UBL4B: variants seen among roughly 807,000 people sequenced by gnomAD.
The protein encoded by UBL4B is ubiquitin-like protein 4B.
For missense variants in UBL4B, 194 were observed against 209.9 expected (o/e 0.92, Z 0.47); for synonymous variants, 94 against 92.8 (o/e 1.01, Z -0.08).
rs745663044 is a variant in UBL4B, at chr1:110,112,931, C to T, written c.397C>T (p.Leu133=). The T allele has an allele frequency of 1.9e-6, 3 of 1,609,818 alleles. No individual in the cohort carries two copies. The highest frequency in any genetic ancestry group is 1.3e-5 in the African/African-American group (1 of 74,876). Residue 133 remains leucine, a synonymous_variant, in exon 1 of 1, where the codon CTG becomes TTG. Transcript: ENST00000334179. The part of the protein sequence containing the change: ...QKISLEHLEQ[L]AQYLLAEEPH... ...GATAAGCCTGGAGCACCTGGAGCAG[C>T]TGGCCCAGTACCTCCTGGCAGAGGA...
chr1:110,113,215 C>A lies in UBL4B; in HGVS notation c.*156C>A. 5 of 1,092,852 alleles carry A rather than the reference C, an allele frequency of 4.6e-6. No individual in the cohort carries two copies. Among genetic ancestry groups the A allele is most frequent in the Non-Finnish European group, 6.4e-6 (5 of 778,152 alleles). 67.7% of individuals were successfully genotyped at this position (1,092,852 alleles called of 1,614,324 possible). ...TGGAGGGTTTTTGGATCCCTGTCCC[C>A]TCTTGGGCCTGAGGTCCTCCCTCTG... On this transcript the variant is annotated 3_prime_UTR_variant, in exon 1 of 1. Coordinates refer to ENST00000334179, the MANE Select transcript of UBL4B (RefSeq NM_203412.2).
In UBL4B at chr1:110,113,886, C is replaced by G. The variant is rs923239243; in HGVS notation, c.*827C>G. On this transcript the variant is annotated 3_prime_UTR_variant, in exon 1 of 1. Coordinates refer to ENST00000334179, the MANE Select transcript of UBL4B (RefSeq NM_203412.2). ...TGAGGATCCTTGCCCTCACAGAGCACGCAGCCTAGATGCAGAGAGCTGCTA... is the reference window on the plus strand; with the variant it reads ...TGAGGATCCTTGCCCTCACAGAGCAGGCAGCCTAGATGCAGAGAGCTGCTA... 2.4e-5 allele frequency: 4 copies of G among 167,096 alleles called. No homozygotes were observed. Among genetic ancestry groups the G allele is most frequent in the African/African-American group, 9.6e-5 (4 of 41,568 alleles). 10.4% of individuals were successfully genotyped at this position (167,096 alleles called of 1,614,324 possible).
rs1557816388 is a variant in UBL4B, at chr1:110,112,868, CAGCTGCTA to C, written c.337_344del (p.Leu113AlafsTer38). The C allele has an allele frequency of 6.2e-7, 1 of 1,613,564 alleles. No homozygotes were observed. Among genetic ancestry groups the C allele is most frequent in the Admixed American group, 1.7e-5 (1 of 60,024 alleles). ...ACCACAGGATGCCAAGGCCGTGCTG[CAGCTGCTA>C]AGGCAGGAGCACGAGGAGCGCCTGC... On this transcript the variant is annotated frameshift_variant, in exon 1 of 1. Transcript: ENST00000334179. LOFTEE classifies it low-confidence loss of function (END_TRUNC).
In UBL4B at chr1:110,113,399, T is replaced by G; in HGVS notation, c.*340T>G. On this transcript the variant is annotated 3_prime_UTR_variant, in exon 1 of 1. Coordinates refer to ENST00000334179, the MANE Select transcript of UBL4B (RefSeq NM_203412.2). ...CTGAAAGCAGCCCTGGCCCAGGGTC[T>G]CCATGGTTCTAGGCAGACCCTCTTT... 3.3e-6 allele frequency: 1 copy of G among 303,884 alleles called. No individual in the cohort carries two copies. Among genetic ancestry groups the G allele is most frequent in the Non-Finnish European group, 6.4e-6 (1 of 155,362 alleles). 18.8% of individuals were successfully genotyped at this position (303,884 alleles called of 1,614,324 possible).
chr1:110,112,683 T>C lies in UBL4B; in HGVS notation c.149T>C (p.Leu50Pro), dbSNP rs1403771826. Residue 50 changes from leucine to proline, a missense_variant, in exon 1 of 1, where the codon CTG becomes CCG. By Grantham distance (98) the Leu-to-Pro change is moderately conservative. Coordinates refer to ENST00000334179, the MANE Select transcript of UBL4B (RefSeq NM_203412.2). ...QQHLLFRGQLLEDDKHLSDYC... is the reference protein window; with the variant it reads ...QQHLLFRGQLPEDDKHLSDYC... ...CACCTGCTTTTCCGTGGCCAGCTCCTGGAGGATGACAAGCACCTCTCTGAC... is the reference window on the plus strand; with the variant it reads ...CACCTGCTTTTCCGTGGCCAGCTCCCGGAGGATGACAAGCACCTCTCTGAC... 2.5e-6 allele frequency: 4 copies of C among 1,614,062 alleles called. No individual in the cohort carries two copies. Among genetic ancestry groups the C allele is most frequent in the South Asian group, 2.2e-5 (2 of 91,090 alleles).
Position 110,112,738 on chromosome 1 carries a change from T to C in UBL4B, c.204T>C (p.Asn68=), listed in dbSNP as rs775002942. 5 of 1,613,832 alleles carry C rather than the reference T, an allele frequency of 3.1e-6. No homozygotes were observed. In the African/African-American group the frequency reaches 5.3e-5, roughly 17 times the overall value. The change falls in exon 1 of 1, where the codon AAT becomes AAC. Residue 68 remains asparagine, a synonymous_variant. Coordinates refer to ENST00000334179, the MANE Select transcript of UBL4B (RefSeq NM_203412.2). Reference sequence around the variant, plus strand: ...GCATTGGGCCCAATGCCTCTATCAATGTCATCATGCAGCCCTTGGAGAAGA... The same window carrying C: ...GCATTGGGCCCAATGCCTCTATCAACGTCATCATGCAGCCCTTGGAGAAGA... ...DYCIGPNASI[N]VIMQPLEKMA...
chr1:110,113,062 G>C lies in UBL4B; in HGVS notation c.*3G>C, dbSNP rs75588775. The C allele has an allele frequency of 1.3e-6, 2 of 1,556,134 alleles. 1 individual carries two copies. Among genetic ancestry groups the C allele is most frequent in the South Asian group, 2.5e-5 (2 of 80,324 alleles). On this transcript the variant is annotated 3_prime_UTR_variant, in exon 1 of 1. Transcript: ENST00000334179. ...AGGAGGCAGCAGCTGATCAGTAAAC[G>C]GGCCATCCTACCCATTTGCATGCTA...
Position 110,112,454 on chromosome 1 carries a change from G to GA in UBL4B, c.-79dup. ...ACTACTAGCCCTTTGTTGATAGGGAGAAGCCAACATCTCCCGCAGGACCCC... is the reference window on the plus strand; with the variant it reads ...ACTACTAGCCCTTTGTTGATAGGGAGAAAGCCAACATCTCCCGCAGGACCCC... On this transcript the variant is annotated 5_prime_UTR_variant, in exon 1 of 1. Coordinates refer to ENST00000334179, the MANE Select transcript of UBL4B (RefSeq NM_203412.2). The GA allele has an allele frequency of 6.6e-7, 1 of 1,520,946 alleles. No homozygotes were observed. Among genetic ancestry groups the GA allele is most frequent in the South Asian group, 1.3e-5 (1 of 75,344 alleles). The allele number at this position is 1,520,946 out of a possible 1,614,324, so 94.2% of individuals were successfully genotyped here. A position where few individuals can be genotyped will look rare whatever the true frequency, so the allele number is the denominator to read the frequency against.
rs138911618 is a variant in UBL4B, at chr1:110,113,005, G to C, written c.471G>C (p.Arg157=). Residue 157 remains arginine, a synonymous_variant, in exon 1 of 1, where the codon CGG becomes CGC. Transcript: ENST00000334179. ...AGERELEAKA[R]PQSSCDMEEK... ...AGAGGGAGCTTGAGGCGAAGGCACG[G>C]CCTCAGAGCTCCTGTGACATGGAGG... 1 of 1,604,894 alleles carries C rather than the reference G, an allele frequency of 6.2e-7. No individual in the cohort carries two copies. The highest frequency in any genetic ancestry group is 1.1e-5 in the South Asian group (1 of 89,522).
chr1:110,113,164 AC>A lies in UBL4B; in HGVS notation c.*109del. 3.5e-6 allele frequency: 5 copies of A among 1,432,982 alleles called. No homozygotes were observed. Among genetic ancestry groups the A allele is most frequent in the Non-Finnish European group, 4.6e-6 (5 of 1,083,014 alleles). The allele number at this position is 1,432,982 out of a possible 1,614,324, so 88.8% of individuals were successfully genotyped here. A position where few individuals can be genotyped will look rare whatever the true frequency, so the allele number is the denominator to read the frequency against. On this transcript the variant is annotated 3_prime_UTR_variant, in exon 1 of 1. Transcript: ENST00000334179. Reference sequence around the variant, plus strand: ...TTCCTGCTGATGTGGATGCGTCCACACCCCTTTTTGAACCTTCCAAGCAGCT... The same window carrying A: ...TTCCTGCTGATGTGGATGCGTCCACACCCTTTTTGAACCTTCCAAGCAGCT...
At position 110,113,181 on chromosome 1, in the gene UBL4B, CCA is replaced by C; in HGVS notation, c.*123_*124del. 7.2e-7 allele frequency: 1 copy of C among 1,388,900 alleles called. No homozygotes were observed. Among genetic ancestry groups the C allele is most frequent in the Non-Finnish European group, 9.6e-7 (1 of 1,045,680 alleles). 86.0% of individuals were successfully genotyped at this position (1,388,900 alleles called of 1,614,324 possible). On this transcript the variant is annotated 3_prime_UTR_variant, in exon 1 of 1. Coordinates refer to ENST00000334179, the MANE Select transcript of UBL4B (RefSeq NM_203412.2). ...GCGTCCACACCCCTTTTTGAACCTT[CCA>C]AGCAGCTGGAGGGTTTTTGGATCCC...
At position 110,113,119 on chromosome 1, in the gene UBL4B, C is replaced by T. The variant is rs1438154197; in HGVS notation, c.*60C>T. 2.0e-6 allele frequency: 3 copies of T among 1,491,920 alleles called. No homozygotes were observed. The highest frequency in any genetic ancestry group is 1.4e-5 in the African/African-American group (1 of 71,094). The allele number at this position is 1,491,920 out of a possible 1,614,324, so 92.4% of individuals were successfully genotyped here. ...TCCCGGCCTCATCCTTACGTGTTCC[C>T]TGGTGACTTTTCCTACTACTTCCTG... On this transcript the variant is annotated 3_prime_UTR_variant, in exon 1 of 1. Coordinates refer to ENST00000334179, the MANE Select transcript of UBL4B (RefSeq NM_203412.2).
Position 110,112,783 on chromosome 1 carries a change from C to T in UBL4B, c.249C>T (p.His83=). The T allele has an allele frequency of 6.2e-7, 1 of 1,613,940 alleles. No individual in the cohort carries two copies. The highest frequency in any genetic ancestry group is 8.5e-7 in the Non-Finnish European group (1 of 1,180,042). Residue 83 remains histidine, a synonymous_variant, in exon 1 of 1, where the codon CAC becomes CAT. Coordinates refer to ENST00000334179, the MANE Select transcript of UBL4B (RefSeq NM_203412.2). ...AGAAGATGGCGCTAAAGGAGGCCCA[C>T]CAGCCGCAGACCCAGCCCCTGTGGC... ...PLEKMALKEA[H]QPQTQPLWHQ... is the part of the protein sequence containing the mutation.
rs1396453826 is a variant in UBL4B at position 110,113,269 on chromosome 1, C to G, written c.*210C>G. 1 of 677,560 alleles carries G rather than the reference C, an allele frequency of 1.5e-6. No individual in the cohort carries two copies. The highest frequency in any genetic ancestry group is 1.8e-5 in the African/African-American group (1 of 55,066). 42.0% of individuals were successfully genotyped at this position (677,560 alleles called of 1,614,324 possible). A position where few individuals can be genotyped will look rare whatever the true frequency, so the allele number is the denominator to read the frequency against. The stretch of plus-strand genomic sequence containing the variant: ...TGCAGAGTGAACCAACCCTCATCAC[C>G]ATGCTTCCCCTAGAAGGGTTCTGAT... On this transcript the variant is annotated 3_prime_UTR_variant, in exon 1 of 1. Transcript: ENST00000334179.
In UBL4B at chr1:110,112,503, A is replaced by G. The variant is rs1654818281; in HGVS notation, c.-32A>G. 6.4e-7 allele frequency: 1 copy of G among 1,569,332 alleles called. No homozygotes were observed. Among genetic ancestry groups the G allele is most frequent in the Non-Finnish European group, 8.6e-7 (1 of 1,157,112 alleles). On this transcript the variant is annotated 5_prime_UTR_variant, in exon 1 of 1. Coordinates refer to ENST00000334179, the MANE Select transcript of UBL4B (RefSeq NM_203412.2). ...CCCTAATCTTCAGGGCAGCTCCCAG[A>G]GCATGGATCCCTCCTGATTCCACTC...
Position 110,113,029 on chromosome 1 carries a change from G to A in UBL4B, c.495G>A (p.Glu165=), listed in dbSNP as rs746703669. Residue 165 remains glutamate, a synonymous_variant, in exon 1 of 1, where the codon GAG becomes GAA. Transcript: ENST00000334179. The stretch of plus-strand genomic sequence containing the variant: ...GGCCTCAGAGCTCCTGTGACATGGA[G>A]GAGAAGGAGGAGGCAGCAGCTGATC... ...KARPQSSCDM[E]EKEEAAADQ is the part of the protein sequence containing the mutation. 2.5e-6 allele frequency: 4 copies of A among 1,589,468 alleles called. No homozygotes were observed. In the East Asian group the frequency reaches 9.0e-5, roughly 36 times the overall value.
In UBL4B at chr1:110,112,965, T is replaced by A. The variant is rs145590552; in HGVS notation, c.431T>A (p.Val144Glu). 1.3e-4 allele frequency: 201 copies of A among 1,606,224 alleles called. No homozygotes were observed. Among genetic ancestry groups the A allele is most frequent in the Non-Finnish European group, 1.6e-4 (187 of 1,176,586 alleles). Residue 144 changes from valine to glutamate, a missense_variant, in exon 1 of 1, where the codon GTG becomes GAG. Val to Glu is a moderately radical substitution (Grantham distance 121). Transcript: ENST00000334179. ...AQYLLAEEPH[V>E]EPAGERELEA... The stretch of plus-strand genomic sequence containing the variant: ...TACCTCCTGGCAGAGGAGCCTCACG[T>A]GGAGCCAGCTGGAGAGAGGGAGCTT...
At position 110,112,896 on chromosome 1, in the gene UBL4B, GCCTGCAGAAGATAAGCCTGGAGCA is replaced by G; in HGVS notation, c.367_390del (p.Gln123_Leu130del). 2 of 1,612,988 alleles carry G rather than the reference GCCTGCAGAAGATAAGCCTGGAGCA, an allele frequency of 1.2e-6. No homozygotes were observed. Among genetic ancestry groups the G allele is most frequent in the Admixed American group, 1.7e-5 (1 of 59,898 alleles). ...CTGCTAAGGCAGGAGCACGAGGAGC[GCCTGCAGAAGATAAGCCTGGAGCA>G]CCTGGAGCAGCTGGCCCAGTACCTC... On this transcript the variant is annotated inframe_deletion, in exon 1 of 1. Transcript: ENST00000334179.
rs1654829659 is a variant in UBL4B at position 110,112,898 on chromosome 1, C to T, written c.364C>T (p.Leu122=). Reference sequence around the variant, plus strand: ...GCTAAGGCAGGAGCACGAGGAGCGCCTGCAGAAGATAAGCCTGGAGCACCT... The same window carrying T: ...GCTAAGGCAGGAGCACGAGGAGCGCTTGCAGAAGATAAGCCTGGAGCACCT... The part of the protein sequence containing the change: ...QLLRQEHEER[L]QKISLEHLEQ... The change falls in exon 1 of 1, where the codon CTG becomes TTG. Residue 122 remains leucine, a synonymous_variant. Coordinates refer to ENST00000334179, the MANE Select transcript of UBL4B (RefSeq NM_203412.2). 4 of 1,613,072 alleles carry T rather than the reference C, an allele frequency of 2.5e-6. No homozygotes were observed. In the South Asian group the frequency reaches 3.3e-5, roughly 13 times the overall value.
Sources: allele counts gnomAD v4.1 joint callset, GRCh38; gene constraint gnomAD v4.1.1; transcripts MANE v1.5; gene names NCBI Gene and HGNC (gene_info 2026-07-23, HGNC 2026-07-21).